PFDN1: variants seen among roughly 807,000 people sequenced by gnomAD.
PFDN1 encodes prefoldin subunit 1.
In PFDN1, 6 loss-of-function variants were observed where a neutral mutation model predicts 17.3. The ratio of observed to expected loss-of-function variants is 0.35; its 90% CI spans 0.19 to 0.69. PFDN1 has a LOEUF of 0.69. Among genes scored for constraint, PFDN1 ranks in the 30% least tolerant of loss-of-function variants. The pLI is 0.65. For synonymous variants in PFDN1, 58 were observed against 50.1 expected (o/e 1.16, Z -0.67); for missense variants, 113 against 146.2 (o/e 0.77, Z 1.17).
At chr5:140,290,752 T>C (rs1765568299) in intron 2 of PFDN1, among the ~76,000 whole-genome samples, 1 of 152,304 alleles carries the variant, frequency 6.6e-6, no homozygotes, top group Non-Finnish European at 1.5e-5. Flanking sequence ...TGGTTACATT[T>C]GTCAAAATTC....
At chr5:140,292,755 TG>T (rs1765597393) in intron 2 of PFDN1, 1 of 152,128 alleles carries the variant, frequency 6.6e-6, no homozygotes, top group Non-Finnish European at 1.5e-5. Flanking sequence ...TGGGCACTAA[TG>T]GTACATGTAA....
chr5:140,297,106 C>A (rs116512298), intron 2 of PFDN1, among the ~76,000 whole-genome samples: 204 of 152,212 alleles, frequency 1.3e-3, no homozygotes, highest in African/African-American at 4.6e-3. Context: ...AAAGTCCAGG[C>A]AAGAAGCAAT....
intron 3 of PFDN1, among the ~76,000 whole-genome samples, chr5:140,266,490 A>C (rs1203877014): frequency 6.6e-6 from 1 of 152,232 alleles, no homozygotes; most frequent in Non-Finnish European, 1.5e-5. Context: ...GCACCTCCCC[A>C]CAACAAACCC....
intron 3 of PFDN1, among the ~76,000 whole-genome samples, chr5:140,256,295 G>A (rs534389547): frequency 9.2e-5 from 14 of 151,890 alleles, no homozygotes; most frequent in African/African-American, 2.7e-4. Context: ...CATGAGAATC[G>A]CTTGAACCCA....
At position 140,287,289 on chromosome 5, in the gene PFDN1, C is replaced by T. The variant is rs151074511; in HGVS notation, c.201-5756G>A. ...AAGGCTAAAATGAACCCTGTGGTAT[C>T]GAAGAGTCGGAGATATCAGTATAAA... On this transcript the variant is annotated intron_variant, in intron 2 of 3. Transcript: ENST00000261813. 2.6e-5 allele frequency among the ~76,000 whole-genome samples: 4 copies of T among 152,230 alleles called. No individual in the cohort carries two copies. In the East Asian group the frequency reaches 5.8e-4, roughly 22 times the overall value.
intron 3 of PFDN1, among the ~76,000 whole-genome samples, chr5:140,253,801 T>A (rs1764949686): frequency 6.6e-6 from 1 of 152,208 alleles, no homozygotes; most frequent in Non-Finnish European, 1.5e-5. Context: ...AATCTATCAC[T>A]ACCTTAACTA....
In PFDN1 at chr5:140,303,084, T is replaced by G. The variant is rs530104725; in HGVS notation, c.-11A>C. 1.9e-6 allele frequency: 3 copies of G among 1,607,406 alleles called. No individual in the cohort carries two copies. The East Asian group carries it at 6.7e-5, about 36-fold the overall frequency. On this transcript the variant is annotated 5_prime_UTR_variant, in exon 1 of 4. Coordinates refer to ENST00000261813, the MANE Select transcript of PFDN1 (RefSeq NM_002622.5). ...CACGGGGGCGGCCATCTTGGTGCAC[T>G]GTAAGCGCCTGCGCAGTGGGAGTTG...
chr5:140,282,195 T>TAAAAAAAAAAAAAA (rs34012371), intron 2 of PFDN1: 6 of 124,274 alleles, frequency 4.8e-5, no homozygotes, highest in Admixed American at 1.6e-4. Flanking sequence ...TTAAAAACAT[T>TAAAAAAAAAAAAAA]AAAAAAAAAA....
chr5:140,285,295 C>G (rs1765469147), intron 2 of PFDN1, among the ~76,000 whole-genome samples: 1 of 150,890 alleles, frequency 6.6e-6, no homozygotes, highest in Non-Finnish European at 1.5e-5. Context: ...TTGCAGTGAG[C>G]CGAGATCGCG....
intron 3 of PFDN1, among the ~76,000 whole-genome samples, chr5:140,253,417 A>G (rs1380891061): frequency 2.0e-5 from 3 of 152,126 alleles, no homozygotes; most frequent in Non-Finnish European, 1.5e-5. Flanking sequence ...GCAGATATAC[A>G]CGAGGGGAAA....
chr5:140,276,219 A>G lies in PFDN1; in HGVS notation c.285+5230T>C, dbSNP rs530416527. 1.4e-4 allele frequency among the ~76,000 whole-genome samples: 22 copies of G among 152,346 alleles called. No homozygotes were observed. The South Asian group carries it at 4.1e-3, about 29-fold the overall frequency. On this transcript the variant is annotated intron_variant, in intron 3 of 3. Coordinates refer to ENST00000261813, the MANE Select transcript of PFDN1 (RefSeq NM_002622.5). ...CAAGCTTCCAAAGTAATAGGAAACC[A>G]TATTTATGATTTACTCAACTGGTGA...
intron 3 of PFDN1, among the ~76,000 whole-genome samples, chr5:140,271,906 TTA>T (rs1031183273): frequency 1.5e-4 from 23 of 150,156 alleles, no homozygotes; most frequent in African/African-American, 5.6e-4. Context: ...CTAAACTAAA[TTA>T]TATATATACA....
intron 3 of PFDN1, among the ~76,000 whole-genome samples, chr5:140,277,486 A>G (rs183083919): frequency 5.3e-5 from 8 of 152,274 alleles, no homozygotes; most frequent in Admixed American, 5.2e-4. Flanking sequence ...AGTAATCTTC[A>G]GAAATACAAA....
Position 140,245,589 on chromosome 5 carries a change from T to C in PFDN1, c.*385A>G, listed in dbSNP as rs577615356. ...GAGGTGGAGACGGCCACTGCCTCTC[T>C]CACCCTCTGTTCCATCCCTCTGCTC... On this transcript the variant is annotated 3_prime_UTR_variant, in exon 4 of 4. Coordinates refer to ENST00000261813, the MANE Select transcript of PFDN1 (RefSeq NM_002622.5). The C allele has an allele frequency of 6.2e-4, 435 of 702,232 alleles. 6 individuals carry two copies. In the South Asian group the frequency reaches 6.2e-3, roughly 10 times the overall value. 43.5% of individuals were successfully genotyped at this position (702,232 alleles called of 1,614,324 possible).
chr5:140,300,638 C>T (rs918500446), intron 1 of PFDN1, 56 bp from the exon 2 acceptor site: 5 of 1,226,418 alleles, frequency 4.1e-6, no homozygotes, highest in Middle Eastern at 1.9e-4. Flanking sequence ...GAAACATTTA[C>T]CTCAAATCCA....
chr5:140,273,806 G>T, intron 3 of PFDN1: 1 of 533,876 alleles, frequency 1.9e-6, no homozygotes, highest in Non-Finnish European at 2.4e-6. Context: ...AACCAGGGTG[G>T]TGAAAGGGGT....
chr5:140,289,223 G>A (rs1765544739), intron 2 of PFDN1, among the ~76,000 whole-genome samples: 1 of 151,702 alleles, frequency 6.6e-6, no homozygotes, highest in South Asian at 2.1e-4. Context: ...GAGGTCAAGG[G>A]TGCAGTAAGC....
intron 2 of PFDN1, among the ~76,000 whole-genome samples, chr5:140,286,437 A>G (rs980506976): frequency 2.0e-5 from 3 of 151,256 alleles, no homozygotes; most frequent in Non-Finnish European, 4.4e-5. Context: ...AAAGAAAAGA[A>G]AAAAGAAAAA....
Position 140,301,117 on chromosome 5 carries a change from A to G in PFDN1, c.34-535T>C, listed in dbSNP as rs59450931. ...TACAAATTAAGTAACCAAATGAGTT[A>G]AGAGATAAAAGTGGCTTGCACAAGG... On this transcript the variant is annotated intron_variant, in intron 1 of 3. Transcript: ENST00000261813. Among the ~76,000 whole-genome samples, 507 of 152,342 alleles carry G rather than the reference A, an allele frequency of 3.3e-3. 26 individuals are homozygous for G. The East Asian group carries it at 0.085, about 26-fold the overall frequency.
Sources: gnomAD v4.1 joint callset for allele counts (sites outside exome capture counted in the v4.1 genomes callset) on GRCh38, gnomAD v4.1.1 for gene constraint, MANE v1.5 for transcripts, NCBI Gene and HGNC (gene_info 2026-07-23, HGNC 2026-07-21) for gene names.